CHST9: variants seen among roughly 807,000 people sequenced by gnomAD.
The protein encoded by CHST9 is carbohydrate sulfotransferase 9, also known as GalNAc-4-sulfotransferase 2.
CHST9 carries 41 observed loss-of-function variants against 44.4 expected under a neutral mutation model. That is an observed-to-expected ratio of 0.92 (90% CI 0.72 to 1.20). The LOEUF is 1.20. Among genes scored for constraint, CHST9 ranks in the 50% most tolerant of loss-of-function variants. The pLI is 0.00. For missense variants in CHST9, 504 were observed against 516.5 expected, an observed-to-expected ratio of 0.98 and a Z score of 0.23; for synonymous variants, 171 against 178.4, an observed-to-expected ratio of 0.96 and a Z score of 0.33.
intron 1 of CHST9, among the ~76,000 whole-genome samples, chr18:27,149,736 T>C (rs913707468): frequency 2.0e-5 from 3 of 152,122 alleles, no homozygotes; most frequent in Non-Finnish European, 4.4e-5. Flanking sequence ...AGCTGTAATC[T>C]GGGTAAATTC....
At chr18:27,101,971 C>T (rs907858017) in intron 2 of CHST9, among the ~76,000 whole-genome samples, 1 of 152,184 alleles carries the variant, frequency 6.6e-6, no homozygotes, top group Admixed American at 6.5e-5. Context: ...TCACAGGTGG[C>T]TTCATGAGGA....
chr18:26,981,332 C>G (rs191443392), intron 4 of CHST9, among the ~76,000 whole-genome samples: 164 of 152,282 alleles, frequency 1.1e-3, no homozygotes, highest in African/African-American at 3.9e-3. Context: ...AGACATGATG[C>G]TTACTCTTCA....
At chr18:27,025,178 A>G (rs907553600) in intron 3 of CHST9, among the ~76,000 whole-genome samples, 5 of 148,220 alleles carry the variant, frequency 3.4e-5, no homozygotes, top group African/African-American at 1.2e-4. Flanking sequence ...ATACACTTAC[A>G]TATATTATAT....
chr18:26,994,410 C>A (rs1376449386), intron 4 of CHST9, among the ~76,000 whole-genome samples: 2 of 152,100 alleles, frequency 1.3e-5, no homozygotes, highest in Non-Finnish European at 2.9e-5. Context: ...CAAAGAGACA[C>A]AGGGAGACAG....
intron 2 of CHST9, among the ~76,000 whole-genome samples, chr18:27,050,880 AAAC>A (rs1336774441): frequency 6.6e-6 from 1 of 152,216 alleles, no homozygotes; most frequent in Non-Finnish European, 1.5e-5. Context: ...ATGTAAACAA[AAAC>A]AACTTTTTGG....
At chr18:27,051,662 C>A (rs1260313453) in intron 2 of CHST9, among the ~76,000 whole-genome samples, 1 of 152,168 alleles carries the variant, frequency 6.6e-6, no homozygotes, top group Non-Finnish European at 1.5e-5. Flanking sequence ...CAGCTGACAG[C>A]AGCTCTGGGC....
intron 1 of CHST9, among the ~76,000 whole-genome samples, chr18:27,175,430 G>A (rs771888655): frequency 6.6e-6 from 1 of 151,934 alleles, no homozygotes; most frequent in Non-Finnish European, 1.5e-5. Flanking sequence ...GGCATGCCTG[G>A]GCATTTATTT....
intron 2 of CHST9, among the ~76,000 whole-genome samples, chr18:27,053,261 G>GAA (rs748644707): frequency 0.11 from 5,971 of 56,520 alleles, 324 homozygotes; most frequent in Non-Finnish European, 0.14. Context: ...AGAAGAAGAA[G>GAA]GAGAAGGAGA....
Position 26,912,518 on chromosome 18 carries a change from G to T in CHST9, c.*3741C>A, listed in dbSNP as rs12964548. ...GGAAAGCAAAAGTAAATATTGGTTTGTAATATTCTAAGCAAAGAGTTTGGT... is the reference window on the plus strand; with the variant it reads ...GGAAAGCAAAAGTAAATATTGGTTTTTAATATTCTAAGCAAAGAGTTTGGT... On this transcript the variant is annotated 3_prime_UTR_variant, in exon 6 of 6. Coordinates refer to ENST00000618847, the MANE Select transcript of CHST9 (RefSeq NM_031422.6). The T allele has an allele frequency of 0.18, 27,615 of 151,966 alleles. 2,654 individuals carry two copies. The highest frequency in any genetic ancestry group is 0.22 in the East Asian group (1,155 of 5,176). 9.4% of individuals were successfully genotyped at this position (151,966 alleles called of 1,614,324 possible).
At chr18:27,163,540 C>A (rs891790077) in intron 1 of CHST9, among the ~76,000 whole-genome samples, 3 of 152,222 alleles carry the variant, frequency 2.0e-5, no homozygotes, top group Non-Finnish European at 4.4e-5. Flanking sequence ...AGCCTCACTG[C>A]CGCCTTGCAG....
At chr18:27,091,189 T>G (rs2058065305) in intron 2 of CHST9, among the ~76,000 whole-genome samples, 2 of 152,186 alleles carry the variant, frequency 1.3e-5, no homozygotes, top group Non-Finnish European at 2.9e-5. Flanking sequence ...TCCTAGGTAT[T>G]TTATTCTCTT....
At chr18:27,104,413 T>A (rs1192957275) in intron 2 of CHST9, among the ~76,000 whole-genome samples, 18 of 152,228 alleles carry the variant, frequency 1.2e-4, no homozygotes, top group Non-Finnish European at 1.3e-4. Flanking sequence ...CAGAAGTTGT[T>A]ACTTTTGTTT....
intron 1 of CHST9, among the ~76,000 whole-genome samples, chr18:27,145,540 G>A (rs1338914842): frequency 6.6e-6 from 1 of 152,200 alleles, no homozygotes; most frequent in Non-Finnish European, 1.5e-5. Flanking sequence ...CAGGGTAAGA[G>A]CTGTTTGTCA....
At chr18:26,978,971 CTGTGGTTTT>C (rs926711668) in intron 4 of CHST9, among the ~76,000 whole-genome samples, 20 of 151,800 alleles carry the variant, frequency 1.3e-4, no homozygotes, top group South Asian at 2.1e-4. Flanking sequence ...CAAGGCCTAT[CTGTGGTTTT>C]TGTGGTTTTT....
At chr18:27,057,374 T>C (rs1468392995) in intron 2 of CHST9, among the ~76,000 whole-genome samples, 1 of 152,174 alleles carries the variant, frequency 6.6e-6, no homozygotes, top group Non-Finnish European at 1.5e-5. Context: ...CTGCATAGCT[T>C]CTGTGTGGTC....
chr18:27,043,350 A>G (rs1301914424), intron 3 of CHST9, among the ~76,000 whole-genome samples: 1 of 152,068 alleles, frequency 6.6e-6, no homozygotes, highest in Admixed American at 6.6e-5. Context: ...CTTATTTGAC[A>G]TTCTTGACAA....
intron 4 of CHST9, among the ~76,000 whole-genome samples, chr18:27,020,393 T>G (rs1243429634): frequency 6.6e-6 from 1 of 152,174 alleles, no homozygotes; most frequent in Non-Finnish European, 1.5e-5. Flanking sequence ...GTGATTCATG[T>G]TGGAAGTCAC....
At chr18:27,161,416 C>A (rs1399345869) in intron 1 of CHST9, among the ~76,000 whole-genome samples, 1 of 152,116 alleles carries the variant, frequency 6.6e-6, no homozygotes, top group Non-Finnish European at 1.5e-5. Context: ...TGTAGTTGAG[C>A]AGTTTTGAGC....
intron 4 of CHST9, among the ~76,000 whole-genome samples, chr18:27,023,854 A>G (rs982724399): frequency 6.6e-6 from 1 of 152,248 alleles, no homozygotes; most frequent in African/African-American, 2.4e-5. Context: ...CATCCTATAT[A>G]TAACTGAAAT....
Sources: gnomAD v4.1 joint callset for allele counts (sites outside exome capture counted in the v4.1 genomes callset) on GRCh38, gnomAD v4.1.1 for gene constraint, MANE v1.5 for transcripts, NCBI Gene and HGNC (gene_info 2026-07-23, HGNC 2026-07-21) for gene names.